SNX7: variants seen among roughly 807,000 people sequenced by gnomAD.
SNX7 encodes sorting nexin-7.
SNX7 carries 35 observed loss-of-function variants against 48.4 expected under a neutral mutation model. That is an observed-to-expected ratio of 0.72 (90% CI 0.55 to 0.96). SNX7 has a LOEUF of 0.96. Ranked by LOEUF, SNX7 falls within the 40% of genes least tolerant of loss-of-function variation. The pLI is 0.00. For synonymous variants in SNX7, 190 were observed against 190.2 expected (o/e 1.00, Z 0.01); for missense variants, 553 against 548.9 (o/e 1.01, Z -0.07).
Position 98,760,366 on chromosome 1 carries a change from G to A in SNX7, c.*235G>A. 2.9e-6 allele frequency: 1 copy of A among 344,258 alleles called. No individual in the cohort carries two copies. The highest frequency in any genetic ancestry group is 5.2e-6 in the Non-Finnish European group (1 of 190,874). The allele number at this position is 344,258 out of a possible 1,614,324, so 21.3% of individuals were successfully genotyped here. On this transcript the variant is annotated 3_prime_UTR_variant, in exon 9 of 9. Transcript: ENST00000306121. ...GATATATAAATACAGAGAGATATCT[G>A]GCTTGGTTTTAATTATGTTCTTAAA... is the stretch of plus-strand genomic sequence containing the variant.
intron 8 of SNX7, among the ~76,000 whole-genome samples, chr1:98,751,009 G>T (rs1654552207): frequency 6.6e-6 from 1 of 152,024 alleles, no homozygotes; most frequent in Non-Finnish European, 1.5e-5. Context: ...GTTCTGGGAT[G>T]AAGCTTAATG....
At chr1:98,729,009 A>G (rs1349378501) in intron 7 of SNX7, among the ~76,000 whole-genome samples, 1 of 152,206 alleles carries the variant, frequency 6.6e-6, no homozygotes, top group East Asian at 1.9e-4. Context: ...CCAGTGCCAC[A>G]TGGCACTTAC....
intron 7 of SNX7, among the ~76,000 whole-genome samples, chr1:98,725,287 T>G (rs1327170027): frequency 6.6e-6 from 1 of 152,196 alleles, no homozygotes; most frequent in Non-Finnish European, 1.5e-5. Flanking sequence ...TGTGTGTTGA[T>G]GTAGATATAG....
chr1:98,666,479 G>C (rs1317340395), intron 1 of SNX7, among the ~76,000 whole-genome samples: 2 of 152,120 alleles, frequency 1.3e-5, no homozygotes, highest in African/African-American at 4.8e-5. Flanking sequence ...TGGATCTCCT[G>C]CTTGCACTCC....
At chr1:98,750,167 C>T (rs901087623) in intron 8 of SNX7, among the ~76,000 whole-genome samples, 1 of 151,732 alleles carries the variant, frequency 6.6e-6, no homozygotes, top group Non-Finnish European at 1.5e-5. Context: ...TACTTTATTA[C>T]CACAGAAATA....
At chr1:98,723,957 G>A (rs1653029377) in intron 7 of SNX7, among the ~76,000 whole-genome samples, 1 of 102,564 alleles carries the variant, frequency 9.8e-6, no homozygotes, top group Admixed American at 9.6e-5. Flanking sequence ...TTCATTGTTA[G>A]CTGGCAAAAA....
Position 98,760,081 on chromosome 1 carries a change from A to C in SNX7, c.1306A>C (p.Thr436Pro). ...CCTTGCTACGTGGGAGTCATTCCTT[A>C]CATCACAGACCAACCTTCACTTGGA... ...QCLATWESFL[T>P]SQTNLHLEEA... The change falls in exon 9 of 9, where the codon ACA (threonine) becomes CCA (proline). Residue 436 changes from threonine (T) to proline (P), a missense_variant. Transcript: ENST00000306121. 1 of 1,608,850 alleles carries C rather than the reference A, an allele frequency of 6.2e-7. No homozygotes were observed. The highest frequency in any genetic ancestry group is 8.5e-7 in the Non-Finnish European group (1 of 1,175,634).
At chr1:98,739,838 C>T (rs1197747014) in intron 8 of SNX7, among the ~76,000 whole-genome samples, 1 of 152,114 alleles carries the variant, frequency 6.6e-6, no homozygotes, top group Non-Finnish European at 1.5e-5. Context: ...CTGAAGAGTG[C>T]ATTATAAATT....
At chr1:98,680,512 A>G (rs1485055089) in intron 1 of SNX7, among the ~76,000 whole-genome samples, 1 of 152,128 alleles carries the variant, frequency 6.6e-6, no homozygotes, top group East Asian at 1.9e-4. Flanking sequence ...TTTCTATCAC[A>G]TTATCAGGCT....
chr1:98,717,704 A>C (rs574186848), intron 7 of SNX7, among the ~76,000 whole-genome samples: 1 of 152,150 alleles, frequency 6.6e-6, no homozygotes, highest in East Asian at 1.9e-4. Flanking sequence ...TGCCTTGTTT[A>C]TCTCTCAGTC....
intron 7 of SNX7, among the ~76,000 whole-genome samples, chr1:98,706,374 A>G (rs1331384212): frequency 6.6e-6 from 1 of 152,144 alleles, no homozygotes; most frequent in Non-Finnish European, 1.5e-5. Context: ...CAGTACATGC[A>G]CAATGAAAGT....
At chr1:98,661,995 G>A in intron 1 of SNX7, 84 bp downstream of exon 1, 17 of 1,221,534 alleles carry the variant, frequency 1.4e-5, no homozygotes, top group Non-Finnish European at 1.7e-5. Flanking sequence ...TGCCTCTGGC[G>A]CGCTTGCCCT....
chr1:98,690,658 G>A (rs1040805828), intron 2 of SNX7, among the ~76,000 whole-genome samples: 19 of 151,982 alleles, frequency 1.3e-4, no homozygotes, highest in African/African-American at 4.6e-4. Flanking sequence ...TTTCCAAATT[G>A]CAAAAATAGG....
At chr1:98,707,640 T>C (rs2100984953) in intron 7 of SNX7, among the ~76,000 whole-genome samples, 1 of 152,334 alleles carries the variant, frequency 6.6e-6, no homozygotes, top group Non-Finnish European at 1.5e-5. Context: ...TTTATAGTTT[T>C]CCACTGAAAG....
chr1:98,710,955 A>T (rs1308361230), intron 7 of SNX7, among the ~76,000 whole-genome samples: 1 of 152,220 alleles, frequency 6.6e-6, no homozygotes, highest in African/African-American at 2.4e-5. Flanking sequence ...TTGGTAAGTT[A>T]TAGTATGAAT....
chr1:98,665,388 A>G (rs542962225), intron 1 of SNX7, among the ~76,000 whole-genome samples: 5 of 152,284 alleles, frequency 3.3e-5, no homozygotes, highest in East Asian at 3.9e-4. Flanking sequence ...TTTCATTTCA[A>G]TCTCCAAAAA....
chr1:98,662,102 G>T, intron 1 of SNX7, 191 bp downstream of exon 1: 1 of 504,580 alleles, frequency 2.0e-6, no homozygotes, highest in Middle Eastern at 5.6e-4. Flanking sequence ...GCGTCGCCTC[G>T]GGGCCTCAAA....
chr1:98,681,386 A>G (rs1650481478), intron 1 of SNX7, among the ~76,000 whole-genome samples: 1 of 152,216 alleles, frequency 6.6e-6, no homozygotes. Context: ...TGAAGCCAGG[A>G]GTTTGAGACC....
chr1:98,735,989 C>G (rs189651164), intron 7 of SNX7, among the ~76,000 whole-genome samples: 1 of 152,252 alleles, frequency 6.6e-6, no homozygotes, highest in African/African-American at 2.4e-5. Flanking sequence ...AACACAGTAC[C>G]TGTTGGTTAG....
Sources: allele counts gnomAD v4.1 joint callset (sites outside exome capture counted in the v4.1 genomes callset), GRCh38; gene constraint gnomAD v4.1.1; transcripts MANE v1.5; gene names NCBI Gene and HGNC (gene_info 2026-07-23, HGNC 2026-07-21).